ITPR1: variants seen among roughly 807,000 people sequenced by gnomAD.
ITPR1 encodes inositol 1,4,5-trisphosphate-gated calcium channel ITPR1.
Under a neutral mutation model 318.4 loss-of-function variants are expected in ITPR1, and 96 were observed. The ratio of observed to expected loss-of-function variants is 0.30; its 90% confidence interval spans 0.26 to 0.36. ITPR1 has a LOEUF of 0.36. Among genes scored for constraint, ITPR1 ranks in the 10% least tolerant of loss-of-function variants. The pLI, the probability that ITPR1 is intolerant of heterozygous loss-of-function variation, is 1.00. For missense variants in ITPR1, 2,440 were observed against 3,460.2 expected (o/e 0.71, Z 7.40); for synonymous variants, 1,312 against 1,289.9 (o/e 1.02, Z -0.37).
chr3:4,699,684 G>A, intron 34 of ITPR1, 129 bp from the exon 35 acceptor site: 1 of 754,516 alleles, frequency 1.3e-6, no homozygotes, highest in Non-Finnish European at 2.2e-6. Context: ...ATTCCTTAAG[G>A]GGAGAAATAT....
At chr3:4,763,623 T>C (rs145188642) in intron 44 of ITPR1, among the ~76,000 whole-genome samples, 22 of 152,368 alleles carry the variant, frequency 1.4e-4, no homozygotes, top group Non-Finnish European at 2.8e-4. Context: ...TATTATTTTA[T>C]TGAGCACATT....
At chr3:4,744,541 T>C (rs900808076) in intron 44 of ITPR1, among the ~76,000 whole-genome samples, 1 of 152,232 alleles carries the variant, frequency 6.6e-6, no homozygotes, top group Non-Finnish European at 1.5e-5. Context: ...TTTGGGATTG[T>C]CCTAACTGCT....
At chr3:4,818,817 T>C (rs1209571067) in intron 60 of ITPR1, among the ~76,000 whole-genome samples, 9 of 152,226 alleles carry the variant, frequency 5.9e-5, no homozygotes. Context: ...GCGGGGAAGC[T>C]GCTTCAGGCT....
chr3:4,527,790 G>A (rs1258453416), intron 4 of ITPR1, among the ~76,000 whole-genome samples: 5 of 152,134 alleles, frequency 3.3e-5, no homozygotes, highest in Non-Finnish European at 5.9e-5. Flanking sequence ...CACACTTGTG[G>A]CCTTTTTATT....
chr3:4,708,522 G>T (rs930305189), intron 37 of ITPR1, among the ~76,000 whole-genome samples: 11 of 152,162 alleles, frequency 7.2e-5, no homozygotes, highest in African/African-American at 2.7e-4. Flanking sequence ...AGTGCTTCCT[G>T]ATCCCACTAT....
intron 4 of ITPR1, among the ~76,000 whole-genome samples, chr3:4,624,718 G>C (rs1194630917): frequency 1.3e-5 from 2 of 149,562 alleles, no homozygotes; most frequent in African/African-American, 4.9e-5. Context: ...GCAGTATTCT[G>C]TTATTTGTTG....
chr3:4,715,776 C>G (rs73112439), intron 39 of ITPR1, among the ~76,000 whole-genome samples: 3,801 of 152,214 alleles, frequency 0.025, 82 homozygotes, highest in South Asian at 0.088. Flanking sequence ...TTACTTGAAC[C>G]CAGGAGGTGG....
chr3:4,686,203 T>C (rs1045920397), intron 30 of ITPR1, among the ~76,000 whole-genome samples: 1 of 152,182 alleles, frequency 6.6e-6, no homozygotes, highest in Admixed American at 6.5e-5. Context: ...TCCACTTCAC[T>C]GTGGATCTGG....
intron 5 of ITPR1, among the ~76,000 whole-genome samples, chr3:4,638,676 C>G (rs2093262932): frequency 6.6e-6 from 1 of 152,050 alleles, no homozygotes. Flanking sequence ...ATAACAAATC[C>G]CTTTCCTACC....
intron 24 of ITPR1, 61 bp from the exon 25 acceptor site, chr3:4,680,492 G>GCAGAGT: frequency 6.6e-7 from 1 of 1,508,810 alleles, no homozygotes; most frequent in Non-Finnish European, 9.2e-7. Flanking sequence ...TGGTGGCTTG[G>GCAGAGT]CAGAGTCAAG....
intron 4 of ITPR1, among the ~76,000 whole-genome samples, chr3:4,538,200 GA>G (rs1051930260): frequency 1.3e-5 from 2 of 151,522 alleles, no homozygotes; most frequent in Admixed American, 1.3e-4. Flanking sequence ...AAATTTACAA[GA>G]AAAAAACCAA....
chr3:4,720,411 T>C (rs901851), intron 40 of ITPR1, among the ~76,000 whole-genome samples: 142,804 of 152,288 alleles, frequency 0.94, 67,309 homozygotes, highest in East Asian at 1. Flanking sequence ...TGCTTTCCTA[T>C]GCTTTAAAGT....
intron 6 of ITPR1, among the ~76,000 whole-genome samples, chr3:4,640,089 C>T (rs1192573457): frequency 6.6e-6 from 1 of 152,160 alleles, no homozygotes; most frequent in Non-Finnish European, 1.5e-5. Context: ...TTGCAGGAAG[C>T]CCAGGGCCAC....
intron 52 of ITPR1, among the ~76,000 whole-genome samples, chr3:4,794,325 G>A (rs947852447): frequency 5.3e-5 from 8 of 152,190 alleles, no homozygotes; most frequent in East Asian, 3.9e-4. Flanking sequence ...TGTCCAAAGC[G>A]TCTCTGTCTC....
At chr3:4,677,553 G>A (rs1445847642) in intron 24 of ITPR1, among the ~76,000 whole-genome samples, 1 of 152,116 alleles carries the variant, frequency 6.6e-6, no homozygotes, top group Admixed American at 6.6e-5. Context: ...AAGACCCCAT[G>A]GTGAAGAGGG....
At chr3:4,647,682 C>T (rs1559607658) in intron 10 of ITPR1, among the ~76,000 whole-genome samples, 1 of 152,044 alleles carries the variant, frequency 6.6e-6, no homozygotes. Context: ...ATTTGCATCC[C>T]CTGTTTGATT....
At chr3:4,720,475 G>C (rs551391826) in intron 40 of ITPR1, among the ~76,000 whole-genome samples, 3 of 152,344 alleles carry the variant, frequency 2.0e-5, no homozygotes, top group African/African-American at 7.2e-5. Context: ...GTGGTGAGCA[G>C]AACAGTAGTC....
intron 4 of ITPR1, among the ~76,000 whole-genome samples, chr3:4,591,708 A>G (rs903332566): frequency 8.5e-5 from 13 of 152,238 alleles, no homozygotes; most frequent in Admixed American, 7.9e-4. Context: ...TACCCTGATC[A>G]AAAACATTTT....
At chr3:4,655,059 T>C (rs1026559636) in intron 12 of ITPR1, among the ~76,000 whole-genome samples, 1 of 152,232 alleles carries the variant, frequency 6.6e-6, no homozygotes, top group Non-Finnish European at 1.5e-5. Context: ...TTTAACCCTC[T>C]GTCAGTGCAT....
Sources: gnomAD v4.1 joint callset for allele counts (sites outside exome capture counted in the v4.1 genomes callset) on GRCh38, gnomAD v4.1.1 for gene constraint, MANE v1.5 for transcripts, NCBI Gene and HGNC (gene_info 2026-07-23, HGNC 2026-07-21) for gene names.